Variants in TCF4 observed in about 807,000 individuals in gnomAD.
TCF4 encodes the protein SL3-3 enhancer factor 2.
TCF4 carries 3 observed loss-of-function variants against 82.1 expected under a neutral mutation model. The observed-to-expected ratio is 0.04, with a 90% confidence interval of 0.02 to 0.09. TCF4 has a LOEUF of 0.09. Among genes scored for constraint, TCF4 ranks in the 10% least tolerant of loss-of-function variants. The pLI is 1.00. For synonymous variants in TCF4, 276 were observed against 309.6 expected, an observed-to-expected ratio of 0.89 and a Z score of 1.14; for missense variants, 518 against 852.7, an observed-to-expected ratio of 0.61 and a Z score of 4.89.
intron 8 of TCF4, chr18:55,321,359 CT>C: frequency 8.7e-5 from 33 of 378,758 alleles, no homozygotes; most frequent in East Asian, 1.4e-4. Flanking sequence ...TTCCAAAACT[CT>C]TTAAAAAAAA....
At chr18:55,441,065 T>A (rs1261243613) in intron 5 of TCF4, among the ~76,000 whole-genome samples, 1 of 152,240 alleles carries the variant, frequency 6.6e-6, no homozygotes, top group African/African-American at 2.4e-5. Context: ...CCTGCATTTC[T>A]CAGTGTTTGA....
chr18:55,599,803 A>G (rs2097694920), intron 2 of TCF4, among the ~76,000 whole-genome samples: 1 of 152,270 alleles, frequency 6.6e-6, no homozygotes, highest in African/African-American at 2.4e-5. Flanking sequence ...TTATATATAC[A>G]TCAGTGTAAC....
intron 1 of TCF4, chr18:55,631,432 A>G: frequency 2.0e-6 from 3 of 1,534,846 alleles, no homozygotes; most frequent in Admixed American, 2.0e-5. Context: ...GAATGAAGGC[A>G]GGTAGACAAG....
At chr18:55,443,408 T>C (rs573440179) in intron 5 of TCF4, among the ~76,000 whole-genome samples, 1 of 152,320 alleles carries the variant, frequency 6.6e-6, no homozygotes, top group South Asian at 2.1e-4. Flanking sequence ...AATCTATCAT[T>C]AGTGTTAACC....
At chr18:55,600,525 C>A (rs1464946927) in intron 2 of TCF4, among the ~76,000 whole-genome samples, 2 of 152,154 alleles carry the variant, frequency 1.3e-5, no homozygotes, top group Non-Finnish European at 2.9e-5. Context: ...CACATGGACT[C>A]CAATATTATC....
At chr18:55,489,412 A>G (rs2096552103) in intron 3 of TCF4, among the ~76,000 whole-genome samples, 4 of 152,162 alleles carry the variant, frequency 2.6e-5, no homozygotes. Context: ...CACGAGCTGC[A>G]GTTGAAGAGA....
intron 15 of TCF4, among the ~76,000 whole-genome samples, chr18:55,240,014 G>C (rs2050728380): frequency 6.6e-6 from 1 of 152,152 alleles, no homozygotes; most frequent in African/African-American, 2.4e-5. Context: ...CAGGCTTTCA[G>C]ACCTCAGTCA....
intron 8 of TCF4, among the ~76,000 whole-genome samples, chr18:55,287,043 T>G (rs1015623561): frequency 6.6e-6 from 1 of 151,950 alleles, no homozygotes; most frequent in Non-Finnish European, 1.5e-5. Context: ...GTAAGAAGAG[T>G]TTTACTCCTC....
chr18:55,302,386 T>C, intron 8 of TCF4: 2 of 1,534,710 alleles, frequency 1.3e-6, no homozygotes, highest in Non-Finnish European at 1.7e-6. Context: ...AGGCTCAGGA[T>C]AGACCACTTT....
At chr18:55,535,879 C>G (rs1409803509) in intron 3 of TCF4, among the ~76,000 whole-genome samples, 1 of 152,110 alleles carries the variant, frequency 6.6e-6, no homozygotes, top group Non-Finnish European at 1.5e-5. Flanking sequence ...ACAGCAATTT[C>G]AAGAAAGTAA....
At chr18:55,388,511 T>G (rs886220056) in intron 6 of TCF4, among the ~76,000 whole-genome samples, 1 of 152,238 alleles carries the variant, frequency 6.6e-6, no homozygotes, top group Non-Finnish European at 1.5e-5. Flanking sequence ...GATTGCTAGG[T>G]TCTTCATATC....
chr18:55,569,418 A>G (rs1422698884), intron 3 of TCF4, among the ~76,000 whole-genome samples: 1 of 152,072 alleles, frequency 6.6e-6, no homozygotes, highest in East Asian at 1.9e-4. Context: ...GGTGCCGGGC[A>G]ACTGTAGTCC....
intron 8 of TCF4, among the ~76,000 whole-genome samples, chr18:55,309,561 A>C (rs184186016): frequency 4.6e-5 from 7 of 152,366 alleles, no homozygotes; most frequent in Admixed American, 4.6e-4. Context: ...AACTGGGTTG[A>C]GAAAATGTCT....
intron 15 of TCF4, among the ~76,000 whole-genome samples, chr18:55,236,323 G>A (rs2049378934): frequency 6.6e-6 from 1 of 152,118 alleles, no homozygotes; most frequent in Non-Finnish European, 1.5e-5. Flanking sequence ...TCTGTGGGGT[G>A]CTTCAAATGT....
At chr18:55,604,821 T>C (rs1269341263) in intron 2 of TCF4, among the ~76,000 whole-genome samples, 8 of 152,138 alleles carry the variant, frequency 5.3e-5, no homozygotes, top group African/African-American at 1.9e-4. Context: ...TCCTACTTGC[T>C]ACGACTTTTC....
intron 5 of TCF4, among the ~76,000 whole-genome samples, chr18:55,415,387 C>CA (rs979770024): frequency 5.9e-5 from 9 of 151,546 alleles, no homozygotes; most frequent in African/African-American, 9.7e-5. Context: ...AAACAAAAAA[C>CA]AAAAAAAACC....
At chr18:55,429,139 C>T (rs906848037) in intron 5 of TCF4, among the ~76,000 whole-genome samples, 5 of 152,160 alleles carry the variant, frequency 3.3e-5, no homozygotes, top group Admixed American at 6.5e-5. Flanking sequence ...CAAAGGCCCA[C>T]AGACGGCATA....
chr18:55,543,921 G>T (rs1194482168), intron 3 of TCF4, among the ~76,000 whole-genome samples: 1 of 152,080 alleles, frequency 6.6e-6, no homozygotes, highest in Non-Finnish European at 1.5e-5. Context: ...TGGAAGAAAA[G>T]TCTGGTAAGT....
At chr18:55,507,365 G>C (rs911168573) in intron 3 of TCF4, among the ~76,000 whole-genome samples, 12 of 152,194 alleles carry the variant, frequency 7.9e-5, no homozygotes, top group African/African-American at 2.4e-4. Flanking sequence ...GGAGTGTCTG[G>C]AGTGTGAATC....
Sources: gnomAD v4.1 joint callset for allele counts (sites outside exome capture counted in the v4.1 genomes callset) on GRCh38, gnomAD v4.1.1 for gene constraint, MANE v1.5 for transcripts, NCBI Gene and HGNC (gene_info 2026-07-23, HGNC 2026-07-21) for gene names.